The following WWOX variants were observed in gnomAD, a reference collection of about 807,000 sequenced individuals.
WWOX encodes the protein WW domain containing oxidoreductase.
In WWOX, 69 loss-of-function variants were observed where a neutral mutation model predicts 46.2. The observed-to-expected ratio is 1.49, with a 90% CI of 1.23 to 1.82. WWOX has a LOEUF of 1.82. Ranked by LOEUF, WWOX falls within the 40% of genes most tolerant of loss-of-function variation. WWOX has a pLI of 0.00. For synonymous variants in WWOX, 359 were observed against 202.6 expected, an observed-to-expected ratio of 1.77 and a Z score of -6.56; for missense variants, 919 against 542.6, an observed-to-expected ratio of 1.69 and a Z score of -6.89.
intron 8 of WWOX, among the ~76,000 whole-genome samples, chr16:78,823,335 A>C (rs1363371049): frequency 1.3e-5 from 2 of 152,196 alleles, no homozygotes; most frequent in Non-Finnish European, 2.9e-5. Flanking sequence ...TTATTGTGTC[A>C]GCCGCCTGTG....
chr16:79,081,663 C>G (rs867140873), intron 8 of WWOX, among the ~76,000 whole-genome samples: 9 of 152,152 alleles, frequency 5.9e-5, no homozygotes, highest in Non-Finnish European at 1.0e-4. Flanking sequence ...AGACCCGTAT[C>G]AATGGATTGA....
At chr16:79,137,656 A>T (rs373201435) in intron 8 of WWOX, among the ~76,000 whole-genome samples, 3 of 152,158 alleles carry the variant, frequency 2.0e-5, no homozygotes, top group African/African-American at 7.2e-5. Flanking sequence ...TTGGGAAAGA[A>T]ATGGGCTGCT....
chr16:78,841,901 C>A (rs908690465), intron 8 of WWOX, among the ~76,000 whole-genome samples: 12 of 152,002 alleles, frequency 7.9e-5, no homozygotes, highest in Admixed American at 6.6e-4. Flanking sequence ...ACGAGGGTCT[C>A]GATTATTGGG....
At chr16:78,550,961 T>TTC (rs2044159059) in intron 8 of WWOX, 1 of 152,194 alleles carries the variant, frequency 6.6e-6, no homozygotes, top group African/African-American at 2.4e-5. Context: ...GACACTGTCT[T>TTC]TTGAAGAAAG....
intron 8 of WWOX, among the ~76,000 whole-genome samples, chr16:78,616,216 G>A (rs183500337): frequency 2.2e-3 from 319 of 143,870 alleles, no homozygotes; most frequent in Non-Finnish European, 3.9e-3. Context: ...ACACACTTTT[G>A]TGGTTTTTTT....
intron 4 of WWOX, among the ~76,000 whole-genome samples, chr16:78,116,284 C>T (rs1219702114): frequency 6.6e-6 from 1 of 152,132 alleles, no homozygotes; most frequent in Non-Finnish European, 1.5e-5. Flanking sequence ...ACCATCTGCA[C>T]TTCTTTCTTA....
chr16:78,440,500 T>A (rs1273514050), intron 8 of WWOX, among the ~76,000 whole-genome samples: 1 of 152,204 alleles, frequency 6.6e-6, no homozygotes, highest in Non-Finnish European at 1.5e-5. Context: ...CCTAGAATAC[T>A]GCCTGACTCG....
intron 8 of WWOX, among the ~76,000 whole-genome samples, chr16:79,026,555 C>G (rs985294847): frequency 6.7e-6 from 1 of 149,732 alleles, no homozygotes; most frequent in African/African-American, 2.5e-5. Context: ...ATCATGCCTG[C>G]TTTTCTGCAC....
intron 8 of WWOX, among the ~76,000 whole-genome samples, chr16:78,601,108 A>G (rs567428883): frequency 1.3e-5 from 2 of 152,324 alleles, no homozygotes; most frequent in Admixed American, 1.3e-4. Context: ...CTCAGGGTGT[A>G]TAAGTGACAT....
chr16:78,412,405 A>G (rs1316380705), intron 6 of WWOX, among the ~76,000 whole-genome samples: 8 of 152,208 alleles, frequency 5.3e-5, no homozygotes, highest in Non-Finnish European at 1.0e-4. Context: ...GAACTTGGAA[A>G]GAATATAGTG....
chr16:78,529,533 C>A (rs1443613899), intron 8 of WWOX, among the ~76,000 whole-genome samples: 2 of 152,048 alleles, frequency 1.3e-5, no homozygotes, highest in Non-Finnish European at 2.9e-5. Context: ...ATGGCAAGAT[C>A]CCTGCTCACT....
intron 8 of WWOX, among the ~76,000 whole-genome samples, chr16:78,643,971 C>G (rs1483334074): frequency 1.3e-5 from 2 of 152,068 alleles, no homozygotes; most frequent in African/African-American, 2.4e-5. Flanking sequence ...GCCTGTAATC[C>G]CAGCGCTTTG....
Position 78,341,767 on chromosome 16 carries a change from G to T in WWOX, c.517-45093G>T, listed in dbSNP as rs758977798. Among the ~76,000 whole-genome samples the T allele has an allele frequency of 6.6e-5, 8 of 120,664 alleles. 2 individuals are homozygous for T. The highest frequency in any genetic ancestry group is 1.4e-4 in the Non-Finnish European group (7 of 50,436). The allele number at this position is 120,664 out of a possible 152,430, so 79.2% of individuals were successfully genotyped here. A position where few individuals can be genotyped will look rare whatever the true frequency, so the allele number is the denominator to read the frequency against. On this transcript the variant is annotated intron_variant, in intron 5 of 8. Coordinates refer to ENST00000566780, the MANE Select transcript of WWOX (RefSeq NM_016373.4). The stretch of plus-strand genomic sequence containing the variant: ...GCTGAGGGATGTGGACATGTCTGAG[G>T]CCAAATAGATGAGTCCCTATTGGGT...
chr16:78,276,872 A>G (rs2079588049), intron 5 of WWOX, among the ~76,000 whole-genome samples: 2 of 152,164 alleles, frequency 1.3e-5, no homozygotes, highest in Admixed American at 1.3e-4. Flanking sequence ...CCGAACTCTC[A>G]TTAATTTTTC....
intron 8 of WWOX, among the ~76,000 whole-genome samples, chr16:78,775,731 T>C (rs1365980369): frequency 2.0e-5 from 3 of 152,358 alleles, no homozygotes; most frequent in African/African-American, 7.2e-5. Flanking sequence ...GTGGGTATTA[T>C]TATAATAATC....
At chr16:78,505,050 C>A (rs952553359) in intron 8 of WWOX, among the ~76,000 whole-genome samples, 6 of 152,132 alleles carry the variant, frequency 3.9e-5, no homozygotes, top group Non-Finnish European at 7.4e-5. Flanking sequence ...TTCTCCTCCT[C>A]TAAGGGATAT....
intron 8 of WWOX, among the ~76,000 whole-genome samples, chr16:78,678,473 C>G (rs924748995): frequency 6.6e-6 from 1 of 152,202 alleles, no homozygotes; most frequent in Non-Finnish European, 1.5e-5. Context: ...AACATTTGAG[C>G]ACCTGTTTGT....
At chr16:78,352,310 A>G (rs938919394) in intron 5 of WWOX, among the ~76,000 whole-genome samples, 5 of 152,338 alleles carry the variant, frequency 3.3e-5, no homozygotes, top group East Asian at 1.9e-4. Flanking sequence ...TTAGAACCAC[A>G]CAAAAGTTAC....
intron 5 of WWOX, among the ~76,000 whole-genome samples, chr16:78,261,396 C>T (rs984153850): frequency 3.6e-5 from 5 of 139,590 alleles, no homozygotes; most frequent in African/African-American, 1.4e-4. Flanking sequence ...CAGAGCAAGA[C>T]CCTGTCTCTA....
Sources: allele counts gnomAD v4.1 joint callset (sites outside exome capture counted in the v4.1 genomes callset), GRCh38; gene constraint gnomAD v4.1.1; transcripts MANE v1.5; gene names NCBI Gene and HGNC (gene_info 2026-07-23, HGNC 2026-07-21).